The following CELF2 variants were observed in gnomAD, a reference collection of about 807,000 sequenced individuals.
CELF2 encodes the protein CUG triplet repeat RNA-binding protein 2.
CELF2 carries 8 observed loss-of-function variants against 62.6 expected under a neutral mutation model. The ratio of observed to expected loss-of-function variants is 0.13; its 90% CI spans 0.07 to 0.23. The LOEUF (loss-of-function observed/expected upper bound fraction) is 0.23. Ranked by LOEUF, CELF2 falls within the 10% of genes least tolerant of loss-of-function variation. The pLI is 1.00. For synonymous variants in CELF2, 258 were observed against 250.0 expected, an observed-to-expected ratio of 1.03 and a Z score of -0.30; for missense variants, 333 against 671.0, an observed-to-expected ratio of 0.50 and a Z score of 5.56.
chr10:10,620,646 T>C, the CELF2 span, among the ~76,000 whole-genome samples: 2 of 152,052 alleles, frequency 1.3e-5, no homozygotes, highest in Non-Finnish European at 2.9e-5. Context: ...CTCAGGCCTG[T>C]TATCCCAGCA....
chr10:10,678,631 A>C, the CELF2 span, among the ~76,000 whole-genome samples: 1 of 152,176 alleles, frequency 6.6e-6, no homozygotes, highest in Non-Finnish European at 1.5e-5. Context: ...ACTGCACCAA[A>C]TGCATCTCTG....
chr10:10,790,490 T>C, the CELF2 span, among the ~76,000 whole-genome samples: 2 of 152,172 alleles, frequency 1.3e-5, no homozygotes, highest in Non-Finnish European at 2.9e-5. Context: ...TGATAGAGTA[T>C]AATACATGAT....
At chr10:11,002,046 A>T (rs1441211022), upstream of CELF2, among the ~76,000 whole-genome samples, 2 of 152,218 alleles carry the variant, frequency 1.3e-5, no homozygotes, top group Non-Finnish European at 2.9e-5. This position sits in a 1 kb window ranked among gnomAD's most constrained non-coding sequence, Gnocchi z 4.4. Context: ...CACATTGCTG[A>T]TAAAGACATA....
At chr10:10,779,703 A>G in the CELF2 span, among the ~76,000 whole-genome samples, 1 of 152,206 alleles carries the variant, frequency 6.6e-6, no homozygotes, top group Non-Finnish European at 1.5e-5. Context: ...ATCTGAAATC[A>G]AATATTCTGG....
chr10:11,318,408 C>G lies in CELF2; in HGVS notation c.1097-2781C>G. The stretch of plus-strand genomic sequence containing the variant: ...TGGTCCCCCTTGAGCATCTGCATCC[C>G]TTGCTCATGGTACCGCCTCTGCCAC... On this transcript the variant is annotated intron_variant, in intron 10 of 12. Coordinates refer to ENST00000633077, the MANE Select transcript of CELF2 (RefSeq NM_001326342.2). The surrounding 1 kb of genome is among the most constrained non-coding windows in gnomAD (Gnocchi z 5.4). 3.6e-6 allele frequency: 1 copy of G among 277,262 alleles called. No individual in the cohort carries two copies. The highest frequency in any genetic ancestry group is 3.5e-5 in the South Asian group (1 of 28,486). The allele number at this position is 277,262 out of a possible 1,614,324, so 17.2% of individuals were successfully genotyped here.
At chr10:10,986,737 A>T (rs918853909) in intron 2 of CELF2, among the ~76,000 whole-genome samples, 2 of 152,224 alleles carry the variant, frequency 1.3e-5, no homozygotes, top group Admixed American at 1.3e-4. Context: ...ATTTCCACCA[A>T]TCCCTCTACA....
At chr10:11,308,604 A>G (rs1187499853) in intron 9 of CELF2, among the ~76,000 whole-genome samples, 3 of 152,232 alleles carry the variant, frequency 2.0e-5, no homozygotes, top group Non-Finnish European at 4.4e-5. Flanking sequence ...AAATCAGGAC[A>G]CAAGTAAATT....
the CELF2 span, among the ~76,000 whole-genome samples, chr10:10,693,491 G>T: frequency 5.3e-3 from 803 of 151,898 alleles, 7 homozygotes; most frequent in African/African-American, 0.018. Context: ...CTGTGTCTCT[G>T]CCCGGCTTTG....
chr10:11,144,461 C>T (rs568295288), intron 1 of CELF2, among the ~76,000 whole-genome samples: 22 of 152,134 alleles, frequency 1.4e-4, no homozygotes, highest in Admixed American at 1.1e-3. Flanking sequence ...GCAGAATTAT[C>T]GTGCTTATTT....
chr10:10,948,806 C>A (rs566779111), intron 2 of CELF2, among the ~76,000 whole-genome samples: 1 of 152,152 alleles, frequency 6.6e-6, no homozygotes, highest in East Asian at 1.9e-4. Context: ...TGGGGTCTTT[C>A]AAACTCTCCA....
At chr10:10,803,588 C>A (rs2054891791) in intron 1 of CELF2, among the ~76,000 whole-genome samples, 2 of 152,344 alleles carry the variant, frequency 1.3e-5, no homozygotes, top group East Asian at 3.9e-4. Context: ...CAACCTCTAG[C>A]ACATCTCCCT....
At chr10:11,210,617 C>A (rs573909947) in intron 2 of CELF2, among the ~76,000 whole-genome samples, 1 of 152,190 alleles carries the variant, frequency 6.6e-6, no homozygotes. Context: ...CCAGAAAGGT[C>A]CCTCCTGCCA....
chr10:11,192,122 G>A (rs1186046312), intron 2 of CELF2, among the ~76,000 whole-genome samples: 1 of 152,220 alleles, frequency 6.6e-6, no homozygotes, highest in African/African-American at 2.4e-5. Flanking sequence ...CACCCCTACA[G>A]GCTGGGATCT....
the CELF2 span, among the ~76,000 whole-genome samples, chr10:10,698,739 A>T: frequency 6.6e-6 from 1 of 152,210 alleles, no homozygotes; most frequent in Non-Finnish European, 1.5e-5. Flanking sequence ...GTTATCACAA[A>T]CAAATCATGA....
the CELF2 span, among the ~76,000 whole-genome samples, chr10:10,584,251 C>G: frequency 2.6e-5 from 4 of 152,142 alleles, no homozygotes; most frequent in Non-Finnish European, 5.9e-5. Flanking sequence ...AATCAGGCAG[C>G]CCCCAGAATC....
the CELF2 span, among the ~76,000 whole-genome samples, chr10:10,572,216 T>C: frequency 6.6e-6 from 1 of 152,264 alleles, no homozygotes; most frequent in African/African-American, 2.4e-5. Flanking sequence ...CTTTTTTTTT[T>C]AATCATTAAG....
At chr10:10,894,706 G>A (rs2062413413) in intron 1 of CELF2, among the ~76,000 whole-genome samples, 1 of 152,088 alleles carries the variant, frequency 6.6e-6, no homozygotes, top group Admixed American at 6.6e-5. Context: ...TTGAGCATAG[G>A]AAGCCTGTCA....
chr10:10,905,087 C>T (rs1252630179), intron 1 of CELF2, among the ~76,000 whole-genome samples: 1 of 152,188 alleles, frequency 6.6e-6, no homozygotes, highest in African/African-American at 2.4e-5. Flanking sequence ...TTCTCTGAGC[C>T]TCAAGTTTCC....
chr10:10,655,547 G>C, the CELF2 span, among the ~76,000 whole-genome samples: 4 of 116,946 alleles, frequency 3.4e-5, no homozygotes, highest in East Asian at 6.1e-4. Flanking sequence ...GAACAGAACA[G>C]AGCCCTCAGA....
Sources: allele counts gnomAD v4.1 joint callset (sites outside exome capture counted in the v4.1 genomes callset), GRCh38; gene constraint gnomAD v4.1.1; non-coding constraint Gnocchi (gnomAD v3.1); transcripts MANE v1.5; gene names NCBI Gene and HGNC (gene_info 2026-07-23, HGNC 2026-07-21).